The following MYO3B variants were observed in gnomAD, a reference collection of about 807,000 sequenced individuals.
MYO3B encodes myosin IIIB.
A neutral mutation model predicts 174.6 loss-of-function variants in MYO3B; 156 were observed. The ratio of observed to expected loss-of-function variants is 0.89; its 90% CI spans 0.78 to 1.02. MYO3B has a LOEUF of 1.02. Among genes scored for constraint, MYO3B ranks in the 50% least tolerant of loss-of-function variants. The probability of loss-of-function intolerance (pLI) is 0.00; values close to 1 mark genes in which losing one functional copy is unlikely to be tolerated. For synonymous variants in MYO3B, 563 were observed against 569.1 expected (o/e 0.99, Z 0.15); for missense variants, 1,632 against 1,639.4 (o/e 1.00, Z 0.08).
chr2:170,178,163 G>T lies in MYO3B; in HGVS notation c.-125G>T. 4 of 1,175,940 alleles carry T rather than the reference G, an allele frequency of 3.4e-6. No individual in the cohort carries two copies. The highest frequency in any genetic ancestry group is 3.8e-6 in the Non-Finnish European group (3 of 781,372). The allele number at this position is 1,175,940 out of a possible 1,614,324, so 72.8% of individuals were successfully genotyped here. On this transcript the variant is annotated 5_prime_UTR_variant, in exon 1 of 35. Coordinates refer to ENST00000408978, the MANE Select transcript of MYO3B (RefSeq NM_138995.5). ...TTGGAACCTAGATCGAAAGTCCTTT[G>T]GTAATGATGTGTCATACATTCTAGT...
intron 25 of MYO3B, among the ~76,000 whole-genome samples, chr2:170,474,682 G>A (rs2105991709): frequency 7.1e-6 from 1 of 140,882 alleles, no homozygotes; most frequent in East Asian, 2.3e-4. Context: ...GGTGGAGATT[G>A]CGGTGAGCCG....
Position 170,519,405 on chromosome 2 carries a change from A to G in MYO3B, c.3473-33A>G, listed in dbSNP as rs371809100. Reference sequence around the variant, plus strand: ...AAAAGCTAACCCTACCTACTTCTGAACATATGCTTAGCCCTCCTTTCTTTT... The same window carrying G: ...AAAAGCTAACCCTACCTACTTCTGAGCATATGCTTAGCCCTCCTTTCTTTT... On this transcript the variant is annotated intron_variant, in intron 29 of 34. Coordinates refer to ENST00000408978, the MANE Select transcript of MYO3B (RefSeq NM_138995.5). The G allele has an allele frequency of 2.4e-5, 38 of 1,585,080 alleles. No homozygotes were observed. The African/African-American group carries it at 4.2e-4, about 17-fold the overall frequency.
At chr2:170,202,338 G>C (rs189895821) in intron 3 of MYO3B, among the ~76,000 whole-genome samples, 1 of 152,278 alleles carries the variant, frequency 6.6e-6, no homozygotes, top group East Asian at 1.9e-4. Flanking sequence ...ATGAGATACT[G>C]GGTGTCCTCA....
At chr2:170,258,433 C>T (rs2093321222) in intron 7 of MYO3B, among the ~76,000 whole-genome samples, 1 of 151,912 alleles carries the variant, frequency 6.6e-6, no homozygotes, top group Non-Finnish European at 1.5e-5. Context: ...ATGTGATTCA[C>T]CACATAAACA....
intron 9 of MYO3B, among the ~76,000 whole-genome samples, chr2:170,373,537 A>G (rs2094263858): frequency 1.3e-5 from 2 of 152,126 alleles, no homozygotes; most frequent in Admixed American, 1.3e-4. Context: ...CCCAGGGGAG[A>G]GAGAAGTTGG....
chr2:170,462,064 C>T (rs752877605), intron 23 of MYO3B, among the ~76,000 whole-genome samples: 25 of 152,294 alleles, frequency 1.6e-4, no homozygotes, highest in African/African-American at 5.8e-4. Flanking sequence ...GAGTATAACA[C>T]GCTCTGCAGG....
intron 22 of MYO3B, among the ~76,000 whole-genome samples, chr2:170,426,063 A>G (rs1001951192): frequency 8.0e-6 from 1 of 125,166 alleles, no homozygotes; most frequent in Admixed American, 9.5e-5. Context: ...TTCCACATTT[A>G]TTTTCTTAAT....
chr2:170,514,097 T>A (rs1022369494), intron 28 of MYO3B, among the ~76,000 whole-genome samples: 1 of 152,114 alleles, frequency 6.6e-6, no homozygotes, highest in Non-Finnish European at 1.5e-5. Context: ...AGAAAAAATC[T>A]CCTCCGTGAG....
At chr2:170,532,733 T>C (rs2106176075) in intron 30 of MYO3B, among the ~76,000 whole-genome samples, 1 of 151,632 alleles carries the variant, frequency 6.6e-6, no homozygotes, top group Non-Finnish European at 1.5e-5. Context: ...GGAGAATCAC[T>C]TGAACCTGGG....
chr2:170,421,417 A>G (rs2105856419), intron 22 of MYO3B, among the ~76,000 whole-genome samples: 1 of 152,200 alleles, frequency 6.6e-6, no homozygotes, highest in East Asian at 1.9e-4. Flanking sequence ...TCCCAGAAGC[A>G]AACAGTACAC....
intron 22 of MYO3B, among the ~76,000 whole-genome samples, chr2:170,437,513 A>G (rs1331360483): frequency 6.6e-6 from 1 of 152,152 alleles, no homozygotes; most frequent in African/African-American, 2.4e-5. Context: ...CTGCGGACAC[A>G]AGGACACAGA....
At chr2:170,510,715 T>G (rs903027694) in intron 28 of MYO3B, among the ~76,000 whole-genome samples, 32 of 151,638 alleles carry the variant, frequency 2.1e-4, no homozygotes, top group African/African-American at 7.8e-4. Flanking sequence ...TATGCCCTTC[T>G]TGACATCCAC....
intron 7 of MYO3B, among the ~76,000 whole-genome samples, chr2:170,324,155 A>T (rs1574786223): frequency 6.6e-6 from 1 of 152,192 alleles, no homozygotes; most frequent in Non-Finnish European, 1.5e-5. Context: ...TCACTTTTTC[A>T]GCTCATACAA....
chr2:170,423,585 C>CT (rs34209442), intron 22 of MYO3B, among the ~76,000 whole-genome samples: 39,091 of 124,078 alleles, frequency 0.32, 7,571 homozygotes, highest in Non-Finnish European at 0.4. Flanking sequence ...TCAGCAAAAG[C>CT]TTTTTTTTTT....
chr2:170,524,795 G>T (rs1028912932), intron 30 of MYO3B, among the ~76,000 whole-genome samples: 4 of 152,110 alleles, frequency 2.6e-5, no homozygotes, highest in Admixed American at 6.5e-5. Context: ...TGTGCTGAGG[G>T]TTTTACACGC....
At chr2:170,501,748 T>G (rs765787368) in intron 27 of MYO3B, 37 bp from the exon 28 acceptor site, 10 of 1,423,956 alleles carry the variant, frequency 7.0e-6, no homozygotes, top group Admixed American at 3.4e-5. Context: ...CGTTCTTAAA[T>G]TAATGTCATT....
chr2:170,278,236 A>G (rs2093477808), intron 7 of MYO3B, among the ~76,000 whole-genome samples: 1 of 152,178 alleles, frequency 6.6e-6, no homozygotes, highest in Non-Finnish European at 1.5e-5. Context: ...CAAGGTAACC[A>G]GAGCAGGTCT....
At chr2:170,402,334 A>G (rs1574922358) in intron 18 of MYO3B, among the ~76,000 whole-genome samples, 2 of 152,194 alleles carry the variant, frequency 1.3e-5, no homozygotes, top group Non-Finnish European at 2.9e-5. Context: ...TCCTCTTCAT[A>G]GTTTTGTTTT....
rs376095782 is a variant in MYO3B, at chr2:170,498,614, G to A, written c.3037G>A (p.Ala1013Thr). The A allele has an allele frequency of 4.0e-5, 65 of 1,613,730 alleles. No homozygotes were observed. In the African/African-American group the frequency reaches 7.3e-4, roughly 18 times the overall value. Residue 1013 changes from alanine (A) to threonine (T), a missense_variant, in exon 26 of 35, where the codon GCA becomes ACA. By Grantham distance (58) the Ala-to-Thr change is moderately conservative. Transcript: ENST00000408978. Reference sequence around the variant, plus strand: ...CAGGTATTATTACTTGGCATTCACAGCACATCAAACACCTCTTGCTAGCAA... The same window carrying A: ...CAGGTATTATTACTTGGCATTCACAACACATCAAACACCTCTTGCTAGCAA... ...VKRYYYLAFT[A>T]HQTPLASKES...
Sources: allele counts gnomAD v4.1 joint callset (sites outside exome capture counted in the v4.1 genomes callset), GRCh38; gene constraint gnomAD v4.1.1; transcripts MANE v1.5; gene names NCBI Gene and HGNC (gene_info 2026-07-23, HGNC 2026-07-21).